BCL2: variants seen among roughly 807,000 people sequenced by gnomAD.
BCL2 encodes the protein apoptosis regulator Bcl-2.
Under a neutral mutation model 14.2 loss-of-function variants are expected in BCL2, and 1 was observed. The ratio of observed to expected loss-of-function variants is 0.07; its 90% CI spans 0.02 to 0.33. The LOEUF (loss-of-function observed/expected upper bound fraction) is 0.33, where lower values mean the gene tolerates loss of function less well. BCL2 is among the 10% of genes least tolerant of loss of function. BCL2 has a pLI of 0.99. For missense variants in BCL2, 247 were observed against 305.9 expected (o/e 0.81, Z 1.44); for synonymous variants, 151 against 137.2 (o/e 1.10, Z -0.70).
rs2144582176 is a variant in BCL2 at position 63,126,741 on chromosome 18, C to T, written c.*1884G>A. 4.4e-6 allele frequency: 1 copy of T among 225,768 alleles called. No individual in the cohort carries two copies. The highest frequency in any genetic ancestry group is 1.3e-3 in the Middle Eastern group (1 of 762). 14.0% of individuals were successfully genotyped at this position (225,768 alleles called of 1,614,324 possible). ...AAAAATCTCAAACAGAAAACGATCA[C>T]CTTTGCTCACAAATAGTGTATAGGC... is the stretch of plus-strand genomic sequence containing the variant. On this transcript the variant is annotated 3_prime_UTR_variant, in exon 3 of 3. Transcript: ENST00000333681.
At position 63,127,717 on chromosome 18, in the gene BCL2, A is replaced by T. The variant is rs894518266; in HGVS notation, c.*908T>A. 2.6e-5 allele frequency: 6 copies of T among 226,462 alleles called. No individual in the cohort carries two copies. The highest frequency in any genetic ancestry group is 1.3e-4 in the African/African-American group (6 of 44,938). 14.0% of individuals were successfully genotyped at this position (226,462 alleles called of 1,614,324 possible). ...GCTCTGGGTAACTCTAGCCTTCCTGATGCGGAAGTCACCGAAATGTTCACT... is the reference window on the plus strand; with the variant it reads ...GCTCTGGGTAACTCTAGCCTTCCTGTTGCGGAAGTCACCGAAATGTTCACT... On this transcript the variant is annotated 3_prime_UTR_variant, in exon 3 of 3. Coordinates refer to ENST00000333681, the MANE Select transcript of BCL2 (RefSeq NM_000633.3).
chr18:63,209,352 T>C (rs926036874), intron 2 of BCL2, among the ~76,000 whole-genome samples: 2 of 152,166 alleles, frequency 1.3e-5, no homozygotes, highest in African/African-American at 4.8e-5. Flanking sequence ...ATGTCATTTC[T>C]AGGAACGCCA....
intron 2 of BCL2, among the ~76,000 whole-genome samples, chr18:63,188,015 G>A (rs1259090308): frequency 6.6e-6 from 1 of 152,138 alleles, no homozygotes; most frequent in African/African-American, 2.4e-5. Context: ...CAGCAGAATC[G>A]AATGCACTTG....
At chr18:63,184,149 A>G (rs550593661) in intron 2 of BCL2, among the ~76,000 whole-genome samples, 1 of 152,318 alleles carries the variant, frequency 6.6e-6, no homozygotes, top group Admixed American at 6.5e-5. Flanking sequence ...TGAGAGGCCA[A>G]CGCTGGCCTT....
At chr18:63,236,436 AAT>A (rs1910831305) in intron 2 of BCL2, among the ~76,000 whole-genome samples, 1 of 9,020 alleles carries the variant, frequency 1.1e-4, no homozygotes, top group Non-Finnish European at 2.0e-3. Flanking sequence ...ATTGTCCCAT[AAT>A]GTCAACGCCC....
chr18:63,181,680 T>C (rs1396286914), intron 2 of BCL2, among the ~76,000 whole-genome samples: 1 of 152,202 alleles, frequency 6.6e-6, no homozygotes, highest in Non-Finnish European at 1.5e-5. Context: ...ATGTCAGACA[T>C]GTGTCCAACT....
At chr18:63,196,746 C>T (rs913292254) in intron 2 of BCL2, among the ~76,000 whole-genome samples, 2 of 152,096 alleles carry the variant, frequency 1.3e-5, no homozygotes, top group African/African-American at 4.8e-5. Flanking sequence ...TTAAAAATAA[C>T]TAAATAAAAA....
At chr18:63,132,955 G>A (rs10503078) in intron 2 of BCL2, among the ~76,000 whole-genome samples, 27,811 of 152,130 alleles carry the variant, frequency 0.18, 3,000 homozygotes, top group East Asian at 0.39. Context: ...GGGCTTACCC[G>A]ACTTCACGGA....
rs115461352 is a variant in BCL2 at position 63,239,907 on chromosome 18, G to A, written c.585+78175C>T. On this transcript the variant is annotated intron_variant, in intron 2 of 2. Transcript: ENST00000333681. ...CTTACCAAAATCTCAGTTCACACTC[G>A]CATGCATTGTGGAGAAGAGAGAGAT... Among the ~76,000 whole-genome samples the A allele has an allele frequency of 2.3e-3, 345 of 152,262 alleles. 1 individual carries two copies. The highest frequency in any genetic ancestry group is 7.6e-3 in the African/African-American group (314 of 41,542).
chr18:63,242,421 A>T lies in BCL2; in HGVS notation c.585+75661T>A, dbSNP rs536567020. Among the ~76,000 whole-genome samples, 11 of 152,310 alleles carry T rather than the reference A, an allele frequency of 7.2e-5. 1 individual carries two copies. In the South Asian group the frequency reaches 2.1e-3, roughly 29 times the overall value. ...TATAGAGCCCAATTTATTTCAACAA[A>T]CCCTGAGACCCCATTGTGTGCCAGT... On this transcript the variant is annotated intron_variant, in intron 2 of 2. Coordinates refer to ENST00000333681, the MANE Select transcript of BCL2 (RefSeq NM_000633.3).
At chr18:63,226,797 A>G (rs1910560771) in intron 2 of BCL2, among the ~76,000 whole-genome samples, 2 of 152,166 alleles carry the variant, frequency 1.3e-5, no homozygotes, top group South Asian at 4.1e-4. Context: ...AAAGGTAGGG[A>G]GATGTTAAAG....
At position 63,318,293 on chromosome 18, in the gene BCL2, G is replaced by T; in HGVS notation, c.374C>A (p.Thr125Asn). The T allele has an allele frequency of 6.2e-7, 1 of 1,614,128 alleles. No homozygotes were observed. Among genetic ancestry groups the T allele is most frequent in the Non-Finnish European group, 8.5e-7 (1 of 1,180,000 alleles). ...CACCGTGGCAAAGCGTCCCCGCGCG[G>T]TGAAGGGCGTCAGGTGCAGCTGGCT... ...MSSQLHLTPF[T>N]ARGRFATVVE... The change falls in exon 2 of 3, where the codon ACC (threonine) becomes AAC (asparagine). Residue 125 changes from threonine to asparagine, a missense_variant. By Grantham distance (65) the Thr-to-Asn change is moderately conservative (BLOSUM62 0). Transcript: ENST00000333681. This position sits in a 1 kb window ranked among gnomAD's most constrained non-coding sequence, Gnocchi z 7.4.
chr18:63,151,756 T>C (rs1914657822), intron 2 of BCL2, among the ~76,000 whole-genome samples: 1 of 152,102 alleles, frequency 6.6e-6, no homozygotes, highest in Non-Finnish European at 1.5e-5. Flanking sequence ...GCGATGTGAG[T>C]CCCTTAGAGA....
At chr18:63,145,687 T>C (rs1370641393) in intron 2 of BCL2, among the ~76,000 whole-genome samples, 1 of 152,274 alleles carries the variant, frequency 6.6e-6, no homozygotes, top group Non-Finnish European at 1.5e-5. Context: ...TTTGTGATTG[T>C]TGCAGTCAGA....
chr18:63,204,908 G>T (rs1909793588), intron 2 of BCL2, among the ~76,000 whole-genome samples: 1 of 152,130 alleles, frequency 6.6e-6, no homozygotes, highest in Admixed American at 6.5e-5. Flanking sequence ...TTTAAAATGT[G>T]TATATGTTAT....
At chr18:63,177,118 T>C (rs979911597) in intron 2 of BCL2, among the ~76,000 whole-genome samples, 2 of 152,134 alleles carry the variant, frequency 1.3e-5, no homozygotes, top group Non-Finnish European at 2.9e-5. Context: ...GTTTTCATCA[T>C]GTTGATCAGG....
chr18:63,260,234 C>T (rs1034183955), intron 2 of BCL2, among the ~76,000 whole-genome samples: 2 of 152,192 alleles, frequency 1.3e-5, no homozygotes, highest in South Asian at 2.1e-4. Context: ...TAATTTTCCT[C>T]ATTCCATACA....
intron 2 of BCL2, among the ~76,000 whole-genome samples, chr18:63,301,043 T>C (rs763185437): frequency 2.0e-5 from 3 of 152,228 alleles, no homozygotes; most frequent in Non-Finnish European, 4.4e-5. Context: ...TAAAAAGGAA[T>C]GAAATTCTGA....
chr18:63,248,861 G>A (rs1911225735), intron 2 of BCL2, among the ~76,000 whole-genome samples: 3 of 152,178 alleles, frequency 2.0e-5, no homozygotes, highest in African/African-American at 4.8e-5. Flanking sequence ...CATTCACTGG[G>A]TTGAGTCAAT....
Sources: allele counts gnomAD v4.1 joint callset (sites outside exome capture counted in the v4.1 genomes callset), GRCh38; gene constraint gnomAD v4.1.1; non-coding constraint Gnocchi (gnomAD v3.1); transcripts MANE v1.5; gene names NCBI Gene and HGNC (gene_info 2026-07-23, HGNC 2026-07-21).